Variants in IL23R observed in about 807,000 individuals in gnomAD.
IL23R encodes the protein interleukin-23 receptor.
In IL23R, 34 loss-of-function variants were observed where a neutral mutation model predicts 56.9. The ratio of observed to expected loss-of-function variants is 0.60; its 90% CI spans 0.45 to 0.80. IL23R has a LOEUF of 0.80. IL23R is among the 30% of genes least tolerant of loss of function. The probability of loss-of-function intolerance (pLI) is 0.00; values close to 1 mark genes in which losing one functional copy is unlikely to be tolerated. For missense variants in IL23R, 635 were observed against 730.0 expected (o/e 0.87, Z 1.50); for synonymous variants, 230 against 249.2 (o/e 0.92, Z 0.73).
intron 1 of IL23R, among the ~76,000 whole-genome samples, chr1:67,154,031 G>A (rs1489102031): frequency 6.6e-6 from 1 of 152,186 alleles, no homozygotes; most frequent in Non-Finnish European, 1.5e-5. Flanking sequence ...TTCTCCCAAA[G>A]TGCTGGGATT....
At position 67,206,884 on chromosome 1, in the gene IL23R, CTT is replaced by C. The variant is rs557919248; in HGVS notation, c.653-6_653-5del. 0.013 allele frequency: 15,481 copies of C among 1,174,408 alleles called. 1 individual carries two copies. Among genetic ancestry groups the C allele is most frequent in the African/African-American group, 0.031 (1,471 of 47,944 alleles). 72.7% of individuals were successfully genotyped at this position (1,174,408 alleles called of 1,614,324 possible). ...CTAGGCAAGTTTTAAACAGCCAGGT[CTT>C]TTTTTTTTTTTTTTTTTTTCTAGTG... On this transcript the variant is annotated intron_variant, in intron 5 of 10. Transcript: ENST00000347310.
At chr1:67,212,797 A>G (rs777096037) in intron 6 of IL23R, among the ~76,000 whole-genome samples, 1 of 152,028 alleles carries the variant, frequency 6.6e-6, no homozygotes, top group Non-Finnish European at 1.5e-5. Context: ...TCAAGCAACC[A>G]TCCCGCCTCA....
chr1:67,183,106 C>A, intron 4 of IL23R, 147 bp downstream of exon 4: 1 of 937,302 alleles, frequency 1.1e-6, no homozygotes, highest in Non-Finnish European at 1.6e-6. Flanking sequence ...ATCAGTGAAA[C>A]TACCAAAGCC....
At chr1:67,179,931 G>T (rs62023916) in intron 3 of IL23R, among the ~76,000 whole-genome samples, 2 of 152,164 alleles carry the variant, frequency 1.3e-5, no homozygotes, top group African/African-American at 2.4e-5. Context: ...GAGCAGTTTT[G>T]AGTGAGTTTC....
intron 1 of IL23R, among the ~76,000 whole-genome samples, chr1:67,146,575 A>G (rs1305326444): frequency 6.6e-6 from 1 of 152,238 alleles, no homozygotes; most frequent in Admixed American, 6.5e-5. Context: ...TGCTACACCC[A>G]TAATCCTTAC....
chr1:67,241,600 C>A (rs554724879), intron 9 of IL23R, among the ~76,000 whole-genome samples: 54 of 152,324 alleles, frequency 3.5e-4, no homozygotes, highest in Non-Finnish European at 7.1e-4. Context: ...CTGTTCTCAG[C>A]ATGTAATTCA....
chr1:67,260,313 C>T (rs935709223), downstream of IL23R, among the ~76,000 whole-genome samples: 2 of 152,010 alleles, frequency 1.3e-5, no homozygotes, highest in Non-Finnish European at 1.5e-5. Context: ...TATAATAGAA[C>T]CTATGAGAGG....
At chr1:67,193,400 C>G (rs1039086561) in intron 4 of IL23R, among the ~76,000 whole-genome samples, 2 of 151,944 alleles carry the variant, frequency 1.3e-5, no homozygotes, top group African/African-American at 4.8e-5. Context: ...CATTGTAGCC[C>G]CAATATCTAA....
intron 1 of IL23R, among the ~76,000 whole-genome samples, chr1:67,155,733 GA>G (rs1486683760): frequency 6.6e-6 from 1 of 152,156 alleles, no homozygotes; most frequent in Non-Finnish European, 1.5e-5. Flanking sequence ...CATTGGGTTA[GA>G]ACATGCTCCT....
At chr1:67,193,104 C>G (rs1457694797) in intron 4 of IL23R, among the ~76,000 whole-genome samples, 3 of 152,302 alleles carry the variant, frequency 2.0e-5, no homozygotes, top group East Asian at 3.9e-4. Flanking sequence ...ACAGGCCAAG[C>G]AAGGTCCTGC....
At chr1:67,256,626 C>T (rs973376510) in intron 10 of IL23R, among the ~76,000 whole-genome samples, 1 of 152,068 alleles carries the variant, frequency 6.6e-6, no homozygotes, top group East Asian at 1.9e-4. Flanking sequence ...GATGTAAGTG[C>T]AATGATAGAA....
At chr1:67,204,530 G>A (rs1004819) in intron 5 of IL23R, among the ~76,000 whole-genome samples, 46,909 of 151,990 alleles carry the variant, frequency 0.31, 7,724 homozygotes, top group East Asian at 0.57. Flanking sequence ...GATTCTTACT[G>A]TGCTATCTGC....
At chr1:67,248,977 C>A (rs12061497) in intron 9 of IL23R, among the ~76,000 whole-genome samples, 7 of 152,248 alleles carry the variant, frequency 4.6e-5, no homozygotes, top group African/African-American at 7.2e-5. Flanking sequence ...TTCAGCCCCC[C>A]CTCCATGAGC....
chr1:67,227,168 C>G (rs1284244834), intron 7 of IL23R, among the ~76,000 whole-genome samples: 1 of 152,214 alleles, frequency 6.6e-6, no homozygotes, highest in Non-Finnish European at 1.5e-5. Context: ...AGAAAACCAA[C>G]ACTGAAAATG....
At chr1:67,226,399 A>G (rs751419602) in intron 7 of IL23R, among the ~76,000 whole-genome samples, 22 of 152,094 alleles carry the variant, frequency 1.4e-4, no homozygotes, top group Non-Finnish European at 2.5e-4. Context: ...AGGGAGCTGG[A>G]AGGGGGATAG....
chr1:67,171,013 A>C (rs796171710), intron 3 of IL23R, among the ~76,000 whole-genome samples: 6 of 152,368 alleles, frequency 3.9e-5, no homozygotes, highest in African/African-American at 9.6e-5. Context: ...AAAGCTGCTA[A>C]ACTTGCCCTA....
chr1:67,215,197 G>T (rs1399186062), intron 6 of IL23R, among the ~76,000 whole-genome samples: 1 of 152,182 alleles, frequency 6.6e-6, no homozygotes, highest in Non-Finnish European at 1.5e-5. Flanking sequence ...GTGTCTGAGA[G>T]GTTTTGTCTG....
At chr1:67,162,094 A>C (rs12753257), upstream of IL23R, among the ~76,000 whole-genome samples, 1 of 152,070 alleles carries the variant, frequency 6.6e-6, no homozygotes, top group Non-Finnish European at 1.5e-5. Flanking sequence ...AGTTAACCAA[A>C]TCTGAAAGAA....
At chr1:67,242,226 A>AT (rs1558261417) in intron 9 of IL23R, among the ~76,000 whole-genome samples, 2 of 152,174 alleles carry the variant, frequency 1.3e-5, no homozygotes, top group African/African-American at 4.8e-5. Flanking sequence ...GAATGAATCA[A>AT]TGTTCTGTTT....
Sources: gnomAD v4.1 joint callset for allele counts (sites outside exome capture counted in the v4.1 genomes callset) on GRCh38, gnomAD v4.1.1 for gene constraint, MANE v1.5 for transcripts, NCBI Gene and HGNC (gene_info 2026-07-23, HGNC 2026-07-21) for gene names.